RANBP2: variants seen among roughly 807,000 people sequenced by gnomAD.
The protein encoded by RANBP2 is E3 SUMO-protein ligase RanBP2.
In RANBP2, 57 loss-of-function variants were observed where a neutral mutation model predicts 303.6. That is an observed-to-expected ratio of 0.19 (90% CI 0.15 to 0.23). The LOEUF is 0.23. Among genes scored for constraint, RANBP2 ranks in the 10% least tolerant of loss-of-function variants. The pLI is 1.00. For synonymous variants in RANBP2, 1,167 were observed against 1,301.5 expected, an observed-to-expected ratio of 0.90 and a Z score of 2.23; for missense variants, 3,138 against 3,780.8, an observed-to-expected ratio of 0.83 and a Z score of 4.46.
the RANBP2 span, among the ~76,000 whole-genome samples, chr2:109,358,196 G>A: frequency 6.6e-6 from 1 of 152,050 alleles, no homozygotes; most frequent in Non-Finnish European, 1.5e-5. Flanking sequence ...TGCATTTAAG[G>A]TCCTTCCATG....
chr2:109,279,743 G>T, the RANBP2 span, among the ~76,000 whole-genome samples: 1 of 90,228 alleles, frequency 1.1e-5, no homozygotes, highest in Non-Finnish European at 2.3e-5. Flanking sequence ...ACGCTTGGGA[G>T]CAGTGACGCG....
chr2:108,997,821 G>A, the RANBP2 span, among the ~76,000 whole-genome samples: 14 of 152,072 alleles, frequency 9.2e-5, no homozygotes, highest in Non-Finnish European at 2.1e-4. Flanking sequence ...AACTCGGAGG[G>A]CGGAGGTTGC....
chr2:109,278,049 C>T, the RANBP2 span, among the ~76,000 whole-genome samples: 1 of 149,608 alleles, frequency 6.7e-6, no homozygotes, highest in Non-Finnish European at 1.5e-5. Flanking sequence ...TAGTGTCATG[C>T]ACCTATAGTC....
chr2:109,426,286 C>G, the RANBP2 span, among the ~76,000 whole-genome samples: 1 of 152,154 alleles, frequency 6.6e-6, no homozygotes, highest in Admixed American at 6.5e-5. Context: ...AATTGAAAAC[C>G]TTTTGGAAAG....
chr2:108,956,713 T>A, the RANBP2 span, among the ~76,000 whole-genome samples: 1 of 152,174 alleles, frequency 6.6e-6, no homozygotes, highest in African/African-American at 2.4e-5. Context: ...ATTTTGCATA[T>A]CCCTCCTTGT....
chr2:109,545,446 G>A, the RANBP2 span: 3 of 1,536,092 alleles, frequency 2.0e-6, no homozygotes, highest in Non-Finnish European at 2.6e-6. Flanking sequence ...CCCTTGCACT[G>A]TGGCCCTCTC....
the RANBP2 span, chr2:108,798,708 TACACAC>T: frequency 0.069 from 28,106 of 408,786 alleles, 5 homozygotes; most frequent in Non-Finnish European, 0.088. Context: ...TCTCCACGCC[TACACAC>T]ACACACACAC....
the RANBP2 span, among the ~76,000 whole-genome samples, chr2:109,161,524 G>C: frequency 6.6e-6 from 1 of 151,898 alleles, no homozygotes; most frequent in Admixed American, 6.6e-5. Context: ...CCTGGGGAGG[G>C]GAACATGTCT....
the RANBP2 span, among the ~76,000 whole-genome samples, chr2:109,681,950 A>G: frequency 5.3e-5 from 8 of 152,226 alleles, no homozygotes; most frequent in Admixed American, 2.6e-4. Flanking sequence ...GTGTGATGGC[A>G]TCACTGAGGC....
the RANBP2 span, among the ~76,000 whole-genome samples, chr2:108,827,962 G>A: frequency 1.3e-5 from 2 of 151,984 alleles, no homozygotes; most frequent in African/African-American, 4.8e-5. Context: ...CATTGTGGTA[G>A]TAGTATAGGA....
At chr2:109,587,058 A>T in the RANBP2 span, among the ~76,000 whole-genome samples, 1 of 152,242 alleles carries the variant, frequency 6.6e-6, no homozygotes, top group Non-Finnish European at 1.5e-5. Context: ...AGAGAGCCAC[A>T]ATGAACCAGA....
chr2:109,602,780 G>A, the RANBP2 span, among the ~76,000 whole-genome samples: 4 of 151,052 alleles, frequency 2.6e-5, no homozygotes, highest in African/African-American at 4.9e-5. Flanking sequence ...TGAAATTTGA[G>A]AAGTCATTTA....
the RANBP2 span, among the ~76,000 whole-genome samples, chr2:109,636,439 T>C: frequency 1.3e-5 from 2 of 152,176 alleles, no homozygotes; most frequent in African/African-American, 4.8e-5. Flanking sequence ...TGAGGAACTC[T>C]TGACAAACCC....
In RANBP2 at chr2:108,732,971, G is replaced by A. The variant is rs368388147; in HGVS notation, c.405+1497G>A. ...TCCGGGTAGCTGGGACTACAGGCAC[G>A]TGTTACCATGTCCCGCTTATTTTTG... On this transcript the variant is annotated intron_variant, in intron 4 of 28. Transcript: ENST00000283195. 7.2e-5 allele frequency among the ~76,000 whole-genome samples: 11 copies of A among 152,034 alleles called. No individual in the cohort carries two copies. In the South Asian group the frequency reaches 8.3e-4, roughly 11 times the overall value.
At chr2:109,155,646 T>G in the RANBP2 span, among the ~76,000 whole-genome samples, 163 of 152,282 alleles carry the variant, frequency 1.1e-3, no homozygotes, top group Non-Finnish European at 1.7e-3. Context: ...GTGATTTATT[T>G]CAAGCAGTGC....
the RANBP2 span, among the ~76,000 whole-genome samples, chr2:109,316,510 C>T: frequency 1.4e-4 from 21 of 152,304 alleles, no homozygotes; most frequent in African/African-American, 4.8e-4. Flanking sequence ...CTTATCACTC[C>T]TCTTAGAGAT....
chr2:109,407,589 G>C, the RANBP2 span, among the ~76,000 whole-genome samples: 1 of 152,202 alleles, frequency 6.6e-6, no homozygotes, highest in Non-Finnish European at 1.5e-5. Context: ...TATAAGCTGT[G>C]CAAACTCCGG....
chr2:109,537,419 T>A, the RANBP2 span, among the ~76,000 whole-genome samples: 3 of 152,348 alleles, frequency 2.0e-5, no homozygotes, highest in South Asian at 4.1e-4. Flanking sequence ...CTATCCTTTT[T>A]ATATATTCTT....
rs768294186 is a variant in RANBP2, at chr2:108,751,637, A to G, written c.1565A>G (p.Gln522Arg). The G allele has an allele frequency of 6.2e-7, 1 of 1,611,254 alleles. No homozygotes were observed. Among genetic ancestry groups the G allele is most frequent in the African/African-American group, 1.3e-5 (1 of 74,882 alleles). Residue 522 changes from glutamine to arginine, a missense_variant, in exon 11 of 29, where the codon CAG (glutamine) becomes CGG (arginine). By Grantham distance (43) the Gln-to-Arg change is conservative. This residue lies in a region of RANBP2 where 162 missense variants were observed against 286.9 expected (regional missense o/e 0.56). Coordinates refer to ENST00000283195, the MANE Select transcript of RANBP2 (RefSeq NM_006267.5). ...TGCCTGCCCCTTCCTGTGTGTAAAC[A>G]GCTTTGTACAGAAAGACAAAAATCT... Reference protein sequence around the residue: ...PLCLPLPVCKQLCTERQKSWW... With the variant: ...PLCLPLPVCKRLCTERQKSWW...
Sources: allele counts gnomAD v4.1 joint callset (sites outside exome capture counted in the v4.1 genomes callset), GRCh38; gene constraint gnomAD v4.1.1; regional missense constraint gnomAD v4.1.1; transcripts MANE v1.5; gene names NCBI Gene and HGNC (gene_info 2026-07-23, HGNC 2026-07-21).